The following NAGA variants were observed in gnomAD, a reference collection of about 807,000 sequenced individuals.
The protein encoded by NAGA is Acetylgalactosaminidase, alpha-N- (alpha-galactosidase B).
In NAGA, 42 loss-of-function variants were observed where a neutral mutation model predicts 45.6. The observed-to-expected ratio is 0.92, with a 90% CI of 0.72 to 1.19. NAGA has a LOEUF of 1.19. NAGA is among the 50% of genes most tolerant of loss of function. The probability of loss-of-function intolerance (pLI) is 0.00; values close to 1 mark genes in which losing one functional copy is unlikely to be tolerated. For missense variants in NAGA, 493 were observed against 544.8 expected, an observed-to-expected ratio of 0.90 and a Z score of 0.95; for synonymous variants, 176 against 203.1, an observed-to-expected ratio of 0.87 and a Z score of 1.13.
intron 5 of NAGA, 56 bp from the exon 6 acceptor site, chr22:42,065,955 G>C (rs1180329482): frequency 1.6e-5 from 25 of 1,596,132 alleles, no homozygotes; most frequent in Middle Eastern, 1.6e-4. Flanking sequence ...TGCAGCCCAG[G>C]GACCCACACA....
At chr22:42,064,742 G>A (rs1926626609) in intron 6 of NAGA, among the ~76,000 whole-genome samples, 1 of 152,182 alleles carries the variant, frequency 6.6e-6, no homozygotes, top group South Asian at 2.1e-4. Flanking sequence ...ATGATCAAAT[G>A]GGCTCCTGTT....
Position 42,070,450 on chromosome 22 carries a change from T to TAC in NAGA, c.-155_-154dup, listed in dbSNP as rs1226442573. 9 of 840,470 alleles carry TAC rather than the reference T, an allele frequency of 1.1e-5. No individual in the cohort carries two copies. The African/African-American group carries it at 1.5e-4, about 14-fold the overall frequency. 52.1% of individuals were successfully genotyped at this position (840,470 alleles called of 1,614,324 possible). On this transcript the variant is annotated 5_prime_UTR_variant, in exon 1 of 9. It removes the in-frame stop codon of an upstream open reading frame in the 5' UTR. Coordinates refer to ENST00000396398, the MANE Select transcript of NAGA (RefSeq NM_000262.3). Reference sequence around the variant, plus strand: ...CGCCCTCAACCTTAGGCGTGGATCGTACACTCGGTCCCCAAGTTGCCCGCC... The same window carrying TAC: ...CGCCCTCAACCTTAGGCGTGGATCGTACACACTCGGTCCCCAAGTTGCCCGCC...
chr22:42,062,177 A>T (rs1247257449), intron 7 of NAGA, among the ~76,000 whole-genome samples: 1 of 152,088 alleles, frequency 6.6e-6, no homozygotes, highest in African/African-American at 2.4e-5. Flanking sequence ...TTCCTTGGCT[A>T]TAACAGCTTC....
Position 42,067,260 on chromosome 22 carries a change from AG to A in NAGA, c.354del (p.Tyr119ThrfsTer32). ...YVHSLGLKLG[I>X]YADMGNFTCM... ...CAGGTGAAGTTGCCCATGTCCGCGT[AG>A]ATACCCAACTTCAGGCCCAGGGAGT... On this transcript the variant is annotated frameshift_variant, in exon 4 of 9. Transcript: ENST00000396398. LOFTEE classifies it high-confidence loss of function. The A allele has an allele frequency of 4.3e-6, 7 of 1,614,128 alleles. No homozygotes were observed. The highest frequency in any genetic ancestry group is 5.9e-6 in the Non-Finnish European group (7 of 1,180,016).
At chr22:42,066,080 A>G (rs190647402) in intron 5 of NAGA, among the ~76,000 whole-genome samples, 181 bp from the exon 6 acceptor site, 57 of 152,252 alleles carry the variant, frequency 3.7e-4, no homozygotes, top group African/African-American at 1.3e-3. Flanking sequence ...CTCTGGGGCT[A>G]CCGGGGTCTC....
intron 1 of NAGA, 81 bp downstream of exon 1, chr22:42,070,201 C>T: frequency 4.0e-6 from 6 of 1,485,574 alleles, no homozygotes; most frequent in Non-Finnish European, 4.7e-6. Context: ...CTCCACATAC[C>T]CACATTAGGG....
At chr22:42,061,194 A>C (rs1926365338) in intron 7 of NAGA, 127 bp from the exon 8 acceptor site, 3 of 1,221,812 alleles carry the variant, frequency 2.5e-6, no homozygotes, top group Admixed American at 2.0e-5. Context: ...TTTAGGGAGG[A>C]TGCCACGGGC....
intron 7 of NAGA, 132 bp downstream of exon 7, chr22:42,062,695 G>A: frequency 3.0e-6 from 3 of 986,752 alleles, no homozygotes; most frequent in South Asian, 1.3e-5. Flanking sequence ...GCAACCAGAA[G>A]GGGTAGCCCT....
intron 5 of NAGA, among the ~76,000 whole-genome samples, chr22:42,066,368 G>C (rs894941955): frequency 2.0e-5 from 3 of 152,168 alleles, no homozygotes; most frequent in Non-Finnish European, 4.4e-5. Context: ...CAGCCTTCTG[G>C]GTCTCCTCGC....
Position 42,061,063 on chromosome 22 carries a change from T to A in NAGA, c.962A>T (p.Lys321Ile). The A allele has an allele frequency of 6.2e-7, 1 of 1,613,914 alleles. No homozygotes were observed. The highest frequency in any genetic ancestry group is 1.7e-4 in the Middle Eastern group (1 of 6,060). Residue 321 changes from lysine to isoleucine, a missense_variant, in exon 8 of 9, where the codon AAA becomes ATA. Transcript: ENST00000396398. ...CCGCATGTACACTTCGATGAGAGAT[T>A]TTTCCTGGGCACAGAAGGTGGCTAC... ...GIQGRRIHKE[K>I]SLIEVYMRPL...
rs759595696 is a variant in NAGA at position 42,061,073 on chromosome 22, C to T, written c.958-6G>A. 3.7e-6 allele frequency: 6 copies of T among 1,613,912 alleles called. No homozygotes were observed. Among genetic ancestry groups the T allele is most frequent in the South Asian group, 3.3e-5 (3 of 91,080 alleles). ...ACTTCGATGAGAGATTTTTCCTGGG[C>T]ACAGAAGGTGGCTACTGGCTGGGGT... On this transcript the variant is annotated splice_polypyrimidine_tract_variant and splice_region_variant and intron_variant, in intron 7 of 8. Coordinates refer to ENST00000396398, the MANE Select transcript of NAGA (RefSeq NM_000262.3).
rs899114874 is a variant in NAGA at position 42,058,343 on chromosome 22, G to A, written c.*1936C>T. On this transcript the variant is annotated 3_prime_UTR_variant, in exon 9 of 9. Coordinates refer to ENST00000396398, the MANE Select transcript of NAGA (RefSeq NM_000262.3). ...TGTGCAGGAAGAGAGATGAAATAAT[G>A]GTACACGTTGATGGTTACTGGAGCT... is the stretch of plus-strand genomic sequence containing the variant. The A allele has an allele frequency of 7.2e-5, 11 of 152,160 alleles. No individual in the cohort carries two copies. Among genetic ancestry groups the A allele is most frequent in the African/African-American group, 2.6e-4 (11 of 41,518 alleles). 9.4% of individuals were successfully genotyped at this position (152,160 alleles called of 1,614,324 possible).
At chr22:42,069,398 G>A (rs1387288058) in intron 1 of NAGA, among the ~76,000 whole-genome samples, 4 of 151,992 alleles carry the variant, frequency 2.6e-5, no homozygotes, top group South Asian at 2.1e-4. Context: ...GCGGATCACC[G>A]TAAGTCAGGG....
Position 42,059,853 on chromosome 22 carries a change from C to T in NAGA, c.*426G>A. The T allele has an allele frequency of 8.3e-6, 2 of 241,426 alleles. No individual in the cohort carries two copies. Among genetic ancestry groups the T allele is most frequent in the Non-Finnish European group, 1.7e-5 (2 of 118,554 alleles). 15.0% of individuals were successfully genotyped at this position (241,426 alleles called of 1,614,324 possible). On this transcript the variant is annotated 3_prime_UTR_variant, in exon 9 of 9. Transcript: ENST00000396398. ...CCAGGTGGTATCAGGCTGCAAGGCC[C>T]TCTATGGGTAGAAAAGCCAATCACA...
chr22:42,061,124 T>A, intron 7 of NAGA, 57 bp from the exon 8 acceptor site: 1 of 1,595,794 alleles, frequency 6.3e-7, no homozygotes, highest in Non-Finnish European at 8.5e-7. Flanking sequence ...GACCTACCAT[T>A]GCCTCCCTGG....
chr22:42,061,096 G>T, intron 7 of NAGA, 29 bp from the exon 8 acceptor site: 2 of 1,612,206 alleles, frequency 1.2e-6, no homozygotes, highest in South Asian at 1.1e-5. Context: ...TACTGGCTGG[G>T]GTCCCTTGCT....
chr22:42,070,242 C>T (rs765688097), intron 1 of NAGA, 40 bp downstream of exon 1: 3 of 1,613,276 alleles, frequency 1.9e-6, no homozygotes, highest in Non-Finnish European at 2.5e-6. Flanking sequence ...TTGTAGCACT[C>T]ACCCCTACCC....
intron 1 of NAGA, among the ~76,000 whole-genome samples, chr22:42,069,084 T>C (rs1318952634): frequency 6.6e-6 from 1 of 151,908 alleles, no homozygotes; most frequent in Non-Finnish European, 1.5e-5. Flanking sequence ...CTACTAAAAA[T>C]TCAAAAACTT....
In NAGA at chr22:42,062,732, C is replaced by T. The variant is rs113679162; in HGVS notation, c.957+95G>A. ...GTTGGGGACTGGGCGACTCCTGTAC[C>T]TCGCCAGGTGTTGCCCCCAGGGAGG... is the stretch of plus-strand genomic sequence containing the variant. On this transcript the variant is annotated intron_variant, in intron 7 of 8. Transcript: ENST00000396398. The T allele has an allele frequency of 5.5e-4, 780 of 1,427,610 alleles. 4 individuals are homozygous for T. In the African/African-American group the frequency reaches 8.7e-3, roughly 16 times the overall value. 88.4% of individuals were successfully genotyped at this position (1,427,610 alleles called of 1,614,324 possible).
Sources: allele counts gnomAD v4.1 joint callset (sites outside exome capture counted in the v4.1 genomes callset), GRCh38; gene constraint gnomAD v4.1.1; transcripts MANE v1.5; gene names NCBI Gene and HGNC (gene_info 2026-07-23, HGNC 2026-07-21).